The following KIAA1217 variants were observed in gnomAD, a reference collection of about 807,000 sequenced individuals.
The protein encoded by KIAA1217 is KIAA1217.
KIAA1217 carries 88 observed loss-of-function variants against 163.9 expected under a neutral mutation model. That is an observed-to-expected ratio of 0.54 (90% CI 0.45 to 0.64). The LOEUF is 0.64. Ranked by LOEUF, KIAA1217 falls within the 30% of genes least tolerant of loss-of-function variation. KIAA1217 has a pLI of 0.00. For missense variants in KIAA1217, 2,372 were observed against 2,475.0 expected (o/e 0.96, Z 0.88); for synonymous variants, 903 against 923.1 (o/e 0.98, Z 0.39).
At chr10:24,235,916 A>G (rs1268414001) in intron 2 of KIAA1217, among the ~76,000 whole-genome samples, 1 of 152,162 alleles carries the variant, frequency 6.6e-6, no homozygotes, top group Non-Finnish European at 1.5e-5. Flanking sequence ...CCCAATTATG[A>G]GCAATTTTAT....
intron 1 of KIAA1217, among the ~76,000 whole-genome samples, chr10:23,801,913 A>G (rs1022802017): frequency 3.3e-5 from 5 of 152,210 alleles, no homozygotes; most frequent in South Asian, 2.1e-4. Context: ...AAGAATATGC[A>G]TACGGACATA....
chr10:23,996,879 G>T (rs1057059416), intron 1 of KIAA1217, among the ~76,000 whole-genome samples: 38 of 152,150 alleles, frequency 2.5e-4, no homozygotes, highest in African/African-American at 9.2e-4. Context: ...TACTTAACTA[G>T]CTCACAGGGG....
At chr10:24,420,051 T>C (rs1455503575) in intron 3 of KIAA1217, among the ~76,000 whole-genome samples, 1 of 151,954 alleles carries the variant, frequency 6.6e-6, no homozygotes, top group Non-Finnish European at 1.5e-5. Flanking sequence ...AGTGTCCACA[T>C]GTGAGATTTT....
intron 3 of KIAA1217, among the ~76,000 whole-genome samples, chr10:24,418,044 C>A (rs942069903): frequency 2.6e-5 from 4 of 151,798 alleles, no homozygotes; most frequent in African/African-American, 9.7e-5. Flanking sequence ...ATCTCCTGGG[C>A]TCCCGGGTCC....
intron 1 of KIAA1217, among the ~76,000 whole-genome samples, chr10:23,814,610 G>A (rs947063684): frequency 6.6e-6 from 1 of 152,106 alleles, no homozygotes; most frequent in Non-Finnish European, 1.5e-5. Flanking sequence ...AAACGTTTCA[G>A]TTTTCTGTAG....
At chr10:23,744,606 T>C (rs989861584) in intron 1 of KIAA1217, among the ~76,000 whole-genome samples, 1 of 152,226 alleles carries the variant, frequency 6.6e-6, no homozygotes, top group Non-Finnish European at 1.5e-5. Flanking sequence ...GGAAAAGGCA[T>C]GATGGAAATG....
intron 1 of KIAA1217, among the ~76,000 whole-genome samples, chr10:23,838,492 G>A (rs1287639364): frequency 4.6e-5 from 7 of 150,796 alleles, no homozygotes; most frequent in African/African-American, 9.8e-5. Context: ...GTGGAGTCTC[G>A]CTCTATCGCC....
chr10:23,973,813 A>G (rs1181681282), intron 1 of KIAA1217, among the ~76,000 whole-genome samples: 2 of 151,990 alleles, frequency 1.3e-5, no homozygotes, highest in African/African-American at 4.8e-5. Context: ...GACCACTTCT[A>G]GTCAAGGAAA....
chr10:23,901,519 C>CA (rs1841952906), intron 1 of KIAA1217, among the ~76,000 whole-genome samples: 1 of 152,064 alleles, frequency 6.6e-6, no homozygotes, highest in Admixed American at 6.6e-5. Flanking sequence ...TGTTGGAAAT[C>CA]AAACATCCAA....
rs1007666942 is a variant in KIAA1217 at position 24,431,605 on chromosome 10, G to C, written c.554-1390G>C. 1.8e-4 allele frequency among the ~76,000 whole-genome samples: 28 copies of C among 152,158 alleles called. 2 individuals carry two copies. Among genetic ancestry groups the C allele is most frequent in the Admixed American group, 1.8e-3 (28 of 15,264 alleles). ...AGCATGTGACCTCCCGTGTGGCTGG[G>C]TTGGACTCCTCAGAAGCTGAGTTCT... On this transcript the variant is annotated intron_variant, in intron 3 of 20. Coordinates refer to ENST00000376454, the MANE Select transcript of KIAA1217 (RefSeq NM_019590.5).
At chr10:24,002,785 T>C (rs1426057510) in intron 1 of KIAA1217, among the ~76,000 whole-genome samples, 1 of 152,112 alleles carries the variant, frequency 6.6e-6, no homozygotes, top group African/African-American at 2.4e-5. Context: ...GTGTGTAGTC[T>C]TTCATCCCTC....
intron 2 of KIAA1217, among the ~76,000 whole-genome samples, chr10:24,272,166 A>G (rs16924460): frequency 0.023 from 3,569 of 152,188 alleles, 135 homozygotes; most frequent in African/African-American, 0.081. Context: ...AACAGATAGC[A>G]ATGTGTTTAT....
At chr10:23,836,931 AAGGGAGGGAGGG>A (rs146417780) in intron 1 of KIAA1217, among the ~76,000 whole-genome samples, 6 of 132,474 alleles carry the variant, frequency 4.5e-5, no homozygotes, top group African/African-American at 1.5e-4. Flanking sequence ...GGAAGGAAGG[AAGGGAGGGAGGG>A]AGGGAGGGAG....
intron 3 of KIAA1217, among the ~76,000 whole-genome samples, chr10:24,430,237 C>T (rs189825077): frequency 3.2e-4 from 49 of 152,234 alleles, no homozygotes; most frequent in African/African-American, 1.1e-3. Context: ...AAGGAGCTGG[C>T]CCCTTTGCCA....
At chr10:24,446,468 T>C (rs1204358132) in intron 5 of KIAA1217, among the ~76,000 whole-genome samples, 1 of 152,152 alleles carries the variant, frequency 6.6e-6, no homozygotes, top group African/African-American at 2.4e-5. Flanking sequence ...CAGTGGCCAC[T>C]GAACTCAGAG....
intron 2 of KIAA1217, among the ~76,000 whole-genome samples, chr10:24,298,233 C>A (rs1383179510): frequency 6.6e-6 from 1 of 152,036 alleles, no homozygotes; most frequent in Non-Finnish European, 1.5e-5. Flanking sequence ...GAGGTAGCTC[C>A]TGATGTCATT....
In KIAA1217 at chr10:24,019,395, G is replaced by A. The variant is rs568304694; in HGVS notation, c.-171+12021G>A. On this transcript the variant is annotated intron_variant, in intron 2 of 18. Coordinates refer to the KIAA1217 transcript ENST00000376462. The stretch of plus-strand genomic sequence containing the variant: ...ATAAATACATACATACTTAAGGAAT[G>A]CAAAAAAAATTTAAAAAATAAAATA... Among the ~76,000 whole-genome samples the A allele has an allele frequency of 2.2e-3, 236 of 109,028 alleles. 2 individuals carry two copies. Among genetic ancestry groups the A allele is most frequent in the Non-Finnish European group, 2.3e-3 (103 of 44,692 alleles). 71.5% of individuals were successfully genotyped at this position (109,028 alleles called of 152,430 possible). A position where few individuals can be genotyped will look rare whatever the true frequency, so the allele number is the denominator to read the frequency against.
chr10:23,790,146 T>TGC, intron 1 of KIAA1217, among the ~76,000 whole-genome samples: 1 of 79,520 alleles, frequency 1.3e-5, no homozygotes, highest in Non-Finnish European at 2.3e-5. Context: ...TATACACATA[T>TGC]ACACATATGC....
At position 24,250,519 on chromosome 10, in the gene KIAA1217, A is replaced by C. The variant is rs190146868; in HGVS notation, c.354+30610A>C. ...GCAATCTCGGCTCACTGCAACCTCCACCTCCCAGGTTCAAGCGATTCTCCT... is the reference window on the plus strand; with the variant it reads ...GCAATCTCGGCTCACTGCAACCTCCCCCTCCCAGGTTCAAGCGATTCTCCT... On this transcript the variant is annotated intron_variant, in intron 2 of 20. Transcript: ENST00000376454. 1.6e-4 allele frequency among the ~76,000 whole-genome samples: 24 copies of C among 146,068 alleles called. 1 individual carries two copies. The East Asian group carries it at 4.6e-3, about 28-fold the overall frequency.
Sources: gnomAD v4.1 joint callset for allele counts (sites outside exome capture counted in the v4.1 genomes callset) on GRCh38, gnomAD v4.1.1 for gene constraint, MANE v1.5 for transcripts, NCBI Gene and HGNC (gene_info 2026-07-23, HGNC 2026-07-21) for gene names.